The following TNR variants were observed in gnomAD, a reference collection of about 807,000 sequenced individuals.
TNR encodes tenascin-R.
TNR carries 45 observed loss-of-function variants against 150.4 expected under a neutral mutation model. The ratio of observed to expected loss-of-function variants is 0.30; its 90% CI spans 0.24 to 0.38. The LOEUF is 0.38. Ranked by LOEUF, TNR falls within the 10% of genes least tolerant of loss-of-function variation. The probability of loss-of-function intolerance (pLI) is 1.00; values close to 1 mark genes in which losing one functional copy is unlikely to be tolerated. For synonymous variants in TNR, 687 were observed against 678.4 expected (o/e 1.01, Z -0.20); for missense variants, 1,544 against 1,759.1 (o/e 0.88, Z 2.19).
At chr1:175,392,195 G>A (rs368887486) in intron 6 of TNR, among the ~76,000 whole-genome samples, 47 of 152,054 alleles carry the variant, frequency 3.1e-4, no homozygotes, top group African/African-American at 7.5e-4. Context: ...CTATCTTATC[G>A]TTCCCTCTCT....
intron 1 of TNR, among the ~76,000 whole-genome samples, chr1:175,603,550 T>C (rs2101849144): frequency 6.6e-6 from 1 of 152,358 alleles, no homozygotes; most frequent in Admixed American, 6.5e-5. Flanking sequence ...AAAATGATGC[T>C]TTGATGAATT....
chr1:175,649,992 A>G (rs939098095), intron 1 of TNR, among the ~76,000 whole-genome samples: 9 of 152,192 alleles, frequency 5.9e-5, no homozygotes, highest in African/African-American at 9.7e-5. Context: ...ACGACAAAAG[A>G]TTAATCTTAA....
At chr1:175,595,947 TG>T (rs1375146866) in intron 1 of TNR, among the ~76,000 whole-genome samples, 2 of 150,458 alleles carry the variant, frequency 1.3e-5, no homozygotes, top group Admixed American at 6.6e-5. Flanking sequence ...TTAAACAACT[TG>T]TGGTGGAGGC....
At chr1:175,439,720 G>A (rs1198821299) in intron 2 of TNR, among the ~76,000 whole-genome samples, 3 of 152,174 alleles carry the variant, frequency 2.0e-5, no homozygotes, top group Non-Finnish European at 4.4e-5. Flanking sequence ...CGAAGGATAT[G>A]AACAGACACT....
At chr1:175,573,577 G>A (rs964514371) in intron 1 of TNR, among the ~76,000 whole-genome samples, 6 of 152,258 alleles carry the variant, frequency 3.9e-5, no homozygotes, top group Non-Finnish European at 8.8e-5. Context: ...TTTCTGCAAA[G>A]TGGGCAAAGA....
intron 1 of TNR, among the ~76,000 whole-genome samples, chr1:175,649,073 C>A (rs555241142): frequency 6.6e-6 from 1 of 152,336 alleles, no homozygotes; most frequent in African/African-American, 2.4e-5. Context: ...AGAGGCCATG[C>A]CCCTCCCTGC....
rs571328789 is a variant in TNR at position 175,667,339 on chromosome 1, A to G, written c.-165+75887T>C. Among the ~76,000 whole-genome samples the G allele has an allele frequency of 5.3e-4, 81 of 152,332 alleles. 1 individual carries two copies. In the South Asian group the frequency reaches 0.016, roughly 30 times the overall value. ...AGTGAGGACCATGCTTTAGCTTTCC[A>G]TTTAAACCCCAGCCCACACCTAATG... On this transcript the variant is annotated intron_variant, in intron 1 of 22. Transcript: ENST00000367674.
At chr1:175,487,891 T>C (rs1658081797) in intron 2 of TNR, among the ~76,000 whole-genome samples, 1 of 152,218 alleles carries the variant, frequency 6.6e-6, no homozygotes, top group South Asian at 2.1e-4. Context: ...ATTATGTCTC[T>C]ATGATGGTAC....
At chr1:175,635,914 C>A (rs2101877113) in intron 1 of TNR, among the ~76,000 whole-genome samples, 1 of 152,252 alleles carries the variant, frequency 6.6e-6, no homozygotes, top group East Asian at 1.9e-4. Flanking sequence ...ATTTATGTTT[C>A]CCTACACAGA....
At chr1:175,740,399 G>A (rs1346763114) in intron 1 of TNR, among the ~76,000 whole-genome samples, 1 of 152,014 alleles carries the variant, frequency 6.6e-6, no homozygotes, top group South Asian at 2.1e-4. Context: ...TAAGATCAGT[G>A]CATTTTATTA....
At chr1:175,639,582 A>T (rs1366073537) in intron 1 of TNR, among the ~76,000 whole-genome samples, 3 of 152,110 alleles carry the variant, frequency 2.0e-5, no homozygotes, top group African/African-American at 7.2e-5. Context: ...TGGGGCTCTG[A>T]CACCTTGCCC....
At chr1:175,445,962 C>T (rs1432623655) in intron 2 of TNR, among the ~76,000 whole-genome samples, 1 of 152,156 alleles carries the variant, frequency 6.6e-6, no homozygotes, top group East Asian at 1.9e-4. Flanking sequence ...ATGGGAAACA[C>T]ACGGTTCCTG....
At chr1:175,418,280 C>A (rs182368102) in intron 2 of TNR, among the ~76,000 whole-genome samples, 7 of 152,170 alleles carry the variant, frequency 4.6e-5, no homozygotes, top group African/African-American at 1.7e-4. Flanking sequence ...TGAGAAGTAC[C>A]ATACCAGAGG....
At chr1:175,547,377 A>G (rs1156251933) in intron 1 of TNR, among the ~76,000 whole-genome samples, 1 of 152,168 alleles carries the variant, frequency 6.6e-6, no homozygotes, top group Non-Finnish European at 1.5e-5. Flanking sequence ...TTGAGCTTCT[A>G]TAATCTTTAC....
chr1:175,475,375 G>A (rs1184984693), intron 2 of TNR, among the ~76,000 whole-genome samples: 1 of 152,216 alleles, frequency 6.6e-6, no homozygotes, highest in Non-Finnish European at 1.5e-5. Context: ...TGGTGAGTTG[G>A]TTATGCCCTT....
At chr1:175,366,246 G>C in intron 10 of TNR, 108 bp from the exon 11 acceptor site, 1 of 1,191,788 alleles carries the variant, frequency 8.4e-7, no homozygotes. Context: ...CTGACTATGA[G>C]CACTAGCTTG....
At chr1:175,661,016 G>A (rs188078336) in intron 1 of TNR, among the ~76,000 whole-genome samples, 207 of 152,282 alleles carry the variant, frequency 1.4e-3, no homozygotes, top group African/African-American at 4.7e-3. Context: ...GATGTGTGTC[G>A]ACATTATCAT....
intron 1 of TNR, among the ~76,000 whole-genome samples, chr1:175,551,602 T>A (rs778891446): frequency 6.6e-6 from 1 of 152,200 alleles, no homozygotes; most frequent in Non-Finnish European, 1.5e-5. Flanking sequence ...GACACATGGC[T>A]TGGAGTACCT....
At chr1:175,655,508 C>T (rs549626412) in intron 1 of TNR, among the ~76,000 whole-genome samples, 61 of 152,204 alleles carry the variant, frequency 4.0e-4, no homozygotes, top group Non-Finnish European at 8.2e-4. Flanking sequence ...TGTGGGACTC[C>T]TCACTCCATT....
Sources: gnomAD v4.1 joint callset for allele counts (sites outside exome capture counted in the v4.1 genomes callset) on GRCh38, gnomAD v4.1.1 for gene constraint, MANE v1.5 for transcripts, NCBI Gene and HGNC (gene_info 2026-07-23, HGNC 2026-07-21) for gene names.